Variants in TMEM132D observed in about 807,000 individuals in gnomAD.
TMEM132D encodes the protein transmembrane protein 132D, also known as mature OL transmembrane protein.
A neutral mutation model predicts 62.3 loss-of-function variants in TMEM132D; 21 were observed. That is an observed-to-expected ratio of 0.34 (90% CI 0.24 to 0.49). TMEM132D has a LOEUF of 0.49. TMEM132D is among the 20% of genes least tolerant of loss of function. The probability of loss-of-function intolerance (pLI) is 0.99; values close to 1 mark genes in which losing one functional copy is unlikely to be tolerated. For missense variants in TMEM132D, 1,346 were observed against 1,402.8 expected, an observed-to-expected ratio of 0.96 and a Z score of 0.65; for synonymous variants, 621 against 575.6, an observed-to-expected ratio of 1.08 and a Z score of -1.13.
At chr12:129,123,434 C>T (rs1434578613) in intron 5 of TMEM132D, among the ~76,000 whole-genome samples, 1 of 152,110 alleles carries the variant, frequency 6.6e-6, no homozygotes, top group Non-Finnish European at 1.5e-5. Flanking sequence ...CTTCAACTCC[C>T]AAAGAACCTG....
intron 5 of TMEM132D, among the ~76,000 whole-genome samples, chr12:129,104,387 C>T (rs1299111563): frequency 3.3e-5 from 5 of 152,028 alleles, no homozygotes; most frequent in Non-Finnish European, 5.9e-5. Flanking sequence ...ATACAAAAAT[C>T]AATTCAAGAT....
chr12:129,419,055 C>T (rs1405003033), intron 3 of TMEM132D, among the ~76,000 whole-genome samples: 1 of 152,186 alleles, frequency 6.6e-6, no homozygotes, highest in East Asian at 1.9e-4. Flanking sequence ...TTTCAGACTT[C>T]TAGTTTTCAG....
intron 2 of TMEM132D, among the ~76,000 whole-genome samples, chr12:129,645,358 C>T (rs1275105764): frequency 6.6e-6 from 1 of 152,154 alleles, no homozygotes; most frequent in Non-Finnish European, 1.5e-5. Context: ...CTGAGTTTGC[C>T]TTCCTTGCTG....
intron 2 of TMEM132D, among the ~76,000 whole-genome samples, chr12:129,601,718 C>T (rs189837982): frequency 1.3e-4 from 11 of 82,454 alleles, no homozygotes; most frequent in African/African-American, 3.3e-4. Context: ...TCAGAACACA[C>T]ACATTTATAA....
At chr12:129,226,411 C>A (rs1267424873) in intron 4 of TMEM132D, among the ~76,000 whole-genome samples, 1 of 152,188 alleles carries the variant, frequency 6.6e-6, no homozygotes, top group African/African-American at 2.4e-5. Context: ...TAAGAGGCAT[C>A]TCAAGGGACA....
chr12:129,588,549 G>A (rs550534825), intron 2 of TMEM132D, among the ~76,000 whole-genome samples: 6 of 151,910 alleles, frequency 3.9e-5, no homozygotes, highest in Non-Finnish European at 8.8e-5. Context: ...GAATTGTGGG[G>A]TTTTTTCCTT....
At chr12:129,424,232 C>G (rs923048204) in intron 3 of TMEM132D, among the ~76,000 whole-genome samples, 1 of 151,650 alleles carries the variant, frequency 6.6e-6, no homozygotes, top group Non-Finnish European at 1.5e-5. Context: ...TGACAAATAT[C>G]GCATGAGCGG....
At position 129,321,016 on chromosome 12, in the gene TMEM132D, T is replaced by G. The variant is rs546789487; in HGVS notation, c.1299+16618A>C. ...TACCTACCTGTCATCTATCTCTGTA[T>G]ACATAACATTTATAGCTTTATTATC... On this transcript the variant is annotated intron_variant, in intron 4 of 8. Coordinates refer to ENST00000422113, the MANE Select transcript of TMEM132D (RefSeq NM_133448.3). 2.0e-4 allele frequency among the ~76,000 whole-genome samples: 30 copies of G among 150,192 alleles called. No homozygotes were observed. In the East Asian group the frequency reaches 4.4e-3, roughly 22 times the overall value.
chr12:129,360,598 T>C (rs1312920671), intron 3 of TMEM132D, among the ~76,000 whole-genome samples: 2 of 152,124 alleles, frequency 1.3e-5, no homozygotes. Context: ...TTCCATCTGA[T>C]CACCCAGCTG....
At chr12:129,447,101 TCTCTC>T (rs1482342759) in intron 3 of TMEM132D, among the ~76,000 whole-genome samples, 2 of 152,114 alleles carry the variant, frequency 1.3e-5, no homozygotes, top group Non-Finnish European at 2.9e-5. Context: ...TCTCTCTGTC[TCTCTC>T]CTCTCATCTT....
intron 4 of TMEM132D, among the ~76,000 whole-genome samples, chr12:129,249,587 A>G (rs1267214981): frequency 1.3e-5 from 2 of 152,208 alleles, no homozygotes; most frequent in Non-Finnish European, 2.9e-5. Context: ...ACAAATATAT[A>G]TTGAATCCCT....
chr12:129,337,799 G>C lies in TMEM132D; in HGVS notation c.1134C>G (p.Tyr378Ter), dbSNP rs1310973853. 6.2e-7 allele frequency: 1 copy of C among 1,611,126 alleles called. No homozygotes were observed. The highest frequency in any genetic ancestry group is 8.5e-7 in the Non-Finnish European group (1 of 1,178,232). ...CCTCCACATCGATCTGCATGACCTC[G>C]TAGGAGGCGCCATCCGCACTGGAGA... ...GSENSADGAS[Y>*]EVMQIDVEVE... Residue 378 changes from tyrosine (Y) to a stop codon, truncating the protein, a stop_gained, in exon 4 of 9, where the codon TAC becomes TAG. Transcript: ENST00000422113. LOFTEE classifies it high-confidence loss of function.
intron 3 of TMEM132D, among the ~76,000 whole-genome samples, chr12:129,362,689 T>C (rs1870286681): frequency 6.6e-6 from 1 of 152,182 alleles, no homozygotes; most frequent in Non-Finnish European, 1.5e-5. Flanking sequence ...ACATCTTGCC[T>C]GCATAAACAG....
chr12:129,393,588 T>A (rs1341111842), intron 3 of TMEM132D, among the ~76,000 whole-genome samples: 1 of 152,170 alleles, frequency 6.6e-6, no homozygotes, highest in African/African-American at 2.4e-5. Flanking sequence ...ATAATTGCCT[T>A]AGGCTGCTGC....
intron 5 of TMEM132D, among the ~76,000 whole-genome samples, chr12:129,192,849 C>T (rs1275361596): frequency 6.6e-6 from 1 of 152,172 alleles, no homozygotes; most frequent in Non-Finnish European, 1.5e-5. Flanking sequence ...CTATATACAA[C>T]ACTACCATTC....
At chr12:129,317,774 C>A (rs910173122) in intron 4 of TMEM132D, among the ~76,000 whole-genome samples, 2 of 152,164 alleles carry the variant, frequency 1.3e-5, no homozygotes, top group African/African-American at 4.8e-5. Context: ...CTCAGGAAAG[C>A]TGATTATTCT....
chr12:129,212,468 GA>G (rs1879083578), intron 4 of TMEM132D: 1 of 85,224 alleles, frequency 1.2e-5, no homozygotes, highest in Admixed American at 1.3e-4. Context: ...CAGATAAGAG[GA>G]GGACAAAAGA....
chr12:129,864,365 G>A (rs1414652759), intron 1 of TMEM132D, among the ~76,000 whole-genome samples: 3 of 152,192 alleles, frequency 2.0e-5, no homozygotes, highest in Non-Finnish European at 2.9e-5. Context: ...CTCTCCTATA[G>A]AAACAGCAAA....
chr12:129,593,235 TTTTG>T (rs1313857024), intron 2 of TMEM132D, among the ~76,000 whole-genome samples: 1 of 152,110 alleles, frequency 6.6e-6, no homozygotes, highest in Admixed American at 6.5e-5. Context: ...ATACTGGACT[TTTTG>T]TTTGTTTGGT....
Sources: allele counts gnomAD v4.1 joint callset (sites outside exome capture counted in the v4.1 genomes callset), GRCh38; gene constraint gnomAD v4.1.1; transcripts MANE v1.5; gene names NCBI Gene and HGNC (gene_info 2026-07-23, HGNC 2026-07-21).